GABBR2: variants seen among roughly 807,000 people sequenced by gnomAD.
GABBR2 encodes the protein G-protein coupled receptor 51.
Under a neutral mutation model 105.6 loss-of-function variants are expected in GABBR2, and 23 were observed. That is an observed-to-expected ratio of 0.22 (90% CI 0.16 to 0.31). GABBR2 has a LOEUF of 0.31. Ranked by LOEUF, GABBR2 falls within the 10% of genes least tolerant of loss-of-function variation. GABBR2 has a pLI of 1.00. For synonymous variants in GABBR2, 478 were observed against 499.7 expected (o/e 0.96, Z 0.58); for missense variants, 734 against 1,245.5 (o/e 0.59, Z 6.18).
At chr9:98,603,035 C>A (rs1325749594) in intron 1 of GABBR2, among the ~76,000 whole-genome samples, 1 of 138,810 alleles carries the variant, frequency 7.2e-6, no homozygotes, top group Non-Finnish European at 1.6e-5. Context: ...GCTCTGGAAA[C>A]ACGAGGACTT....
intron 1 of GABBR2, among the ~76,000 whole-genome samples, chr9:98,597,093 T>C (rs2131801002): frequency 1.3e-5 from 2 of 152,090 alleles, no homozygotes; most frequent in Middle Eastern, 3.4e-3. Context: ...ATCCCAGGGG[T>C]TGTCTGGGCC....
At chr9:98,561,314 G>A (rs536402481) in intron 2 of GABBR2, among the ~76,000 whole-genome samples, 1 of 151,256 alleles carries the variant, frequency 6.6e-6, no homozygotes, top group African/African-American at 2.4e-5. Flanking sequence ...AACCGTGAAG[G>A]AATGAACCCC....
At chr9:98,606,681 T>C (rs931815007) in intron 1 of GABBR2, among the ~76,000 whole-genome samples, 7 of 151,846 alleles carry the variant, frequency 4.6e-5, no homozygotes, top group Admixed American at 3.9e-4. Flanking sequence ...GATTTCTCCA[T>C]GTTGGTCAGG....
At chr9:98,479,983 A>G (rs1826880893) in intron 5 of GABBR2, among the ~76,000 whole-genome samples, 1 of 152,014 alleles carries the variant, frequency 6.6e-6, no homozygotes, top group Non-Finnish European at 1.5e-5. Context: ...AAACATTCCA[A>G]CCTGTTAAAG....
chr9:98,578,245 G>A (rs991930601), intron 1 of GABBR2, among the ~76,000 whole-genome samples, 173 bp from the exon 2 acceptor site: 3 of 152,116 alleles, frequency 2.0e-5, no homozygotes, highest in African/African-American at 7.2e-5. Flanking sequence ...CAGGAGTGTG[G>A]TCTTGGCACC....
intron 7 of GABBR2, among the ~76,000 whole-genome samples, chr9:98,439,609 T>G (rs1825994666): frequency 6.6e-6 from 1 of 152,130 alleles, no homozygotes; most frequent in Admixed American, 6.5e-5. Context: ...AGACCACATA[T>G]TTAGGGATGT....
At chr9:98,502,939 T>C (rs1827433919) in intron 3 of GABBR2, among the ~76,000 whole-genome samples, 1 of 152,204 alleles carries the variant, frequency 6.6e-6, no homozygotes, top group South Asian at 2.1e-4. Context: ...CACTCATTCA[T>C]TTCTGATATT....
rs1206565124 is a variant in GABBR2 at position 98,288,684 on chromosome 9, G to T, written c.*1900C>A. 6.6e-6 allele frequency: 1 copy of T among 152,568 alleles called. No homozygotes were observed. Among genetic ancestry groups the T allele is most frequent in the Non-Finnish European group, 1.5e-5 (1 of 68,024 alleles). 9.5% of individuals were successfully genotyped at this position (152,568 alleles called of 1,614,324 possible). A position where few individuals can be genotyped will look rare whatever the true frequency, so the allele number is the denominator to read the frequency against. On this transcript the variant is annotated 3_prime_UTR_variant, in exon 19 of 19. Coordinates refer to ENST00000259455, the MANE Select transcript of GABBR2 (RefSeq NM_005458.8). ...GTAATACACAGTGAGTGACAACACC[G>T]ATTTTTAGTGCCTAAACAGAGAATG... is the stretch of plus-strand genomic sequence containing the variant.
At position 98,388,656 on chromosome 9, in the gene GABBR2, TGTGTGC is replaced by T. The variant is rs932060131; in HGVS notation, c.1529+192_1529+197del. ...GTGTGTGTGTGTGTGTGTGTGTGTG[TGTGTGC>T]GTGCACGCACACACACGTACTCACA... On this transcript the variant is annotated intron_variant, in intron 10 of 18. Transcript: ENST00000259455. The surrounding 1 kb of genome is among the most constrained non-coding windows in gnomAD (Gnocchi z 4.4). Among the ~76,000 whole-genome samples the T allele has an allele frequency of 6.9e-5, 10 of 145,404 alleles. No homozygotes were observed. The highest frequency in any genetic ancestry group is 2.2e-4 in the South Asian group (1 of 4,554).
intron 1 of GABBR2, among the ~76,000 whole-genome samples, chr9:98,660,364 T>G (rs1830241800): frequency 6.6e-6 from 1 of 152,226 alleles, no homozygotes; most frequent in Non-Finnish European, 1.5e-5. Context: ...TTCCTTAATC[T>G]TCATCAATAA....
intron 7 of GABBR2, among the ~76,000 whole-genome samples, chr9:98,409,271 G>A (rs1273824671): frequency 6.6e-6 from 1 of 152,192 alleles, no homozygotes; most frequent in Non-Finnish European, 1.5e-5. Flanking sequence ...GAGGTGAAGC[G>A]GAGCAGCCTG....
At chr9:98,532,539 AG>A (rs1382280257) in intron 3 of GABBR2, among the ~76,000 whole-genome samples, 1 of 152,316 alleles carries the variant, frequency 6.6e-6, no homozygotes, top group East Asian at 1.9e-4. Context: ...CCAAGGGCAG[AG>A]CTCAGAGGTG....
chr9:98,482,348 A>T (rs1052840616), intron 4 of GABBR2, among the ~76,000 whole-genome samples: 1 of 152,210 alleles, frequency 6.6e-6, no homozygotes, highest in African/African-American at 2.4e-5. Context: ...GGGAAAAAAA[A>T]CACTGGCTCT....
At position 98,501,134 on chromosome 9, in the gene GABBR2, C is replaced by G. The variant is rs866547690; in HGVS notation, c.631-4620G>C. Among the ~76,000 whole-genome samples the G allele has an allele frequency of 4.9e-3, 708 of 145,332 alleles. 5 individuals carry two copies. The highest frequency in any genetic ancestry group is 7.0e-3 in the Non-Finnish European group (462 of 65,886). The stretch of plus-strand genomic sequence containing the variant: ...AAGACTAGGAACCACTGCCCCCCCC[C>G]CTTCCCCGCCCCCTGCTCCTTTTTT... On this transcript the variant is annotated intron_variant, in intron 3 of 18. Transcript: ENST00000259455.
chr9:98,544,928 C>T (rs1024201265), intron 2 of GABBR2, among the ~76,000 whole-genome samples: 23 of 152,294 alleles, frequency 1.5e-4, no homozygotes, highest in Middle Eastern at 3.4e-3. Context: ...TGATTCTTCT[C>T]ACAAGATTAA....
intron 2 of GABBR2, among the ~76,000 whole-genome samples, chr9:98,575,498 T>C (rs1828894885): frequency 6.6e-6 from 1 of 152,138 alleles, no homozygotes; most frequent in African/African-American, 2.4e-5. Context: ...TTTCAGTCTT[T>C]CCATCCACAC....
At chr9:98,610,437 C>A (rs987941793) in intron 1 of GABBR2, among the ~76,000 whole-genome samples, 2 of 152,168 alleles carry the variant, frequency 1.3e-5, no homozygotes, top group Non-Finnish European at 2.9e-5. Context: ...TGCCCTAACT[C>A]CTGGAACTGT....
chr9:98,641,243 C>T (rs1266501882), intron 1 of GABBR2, among the ~76,000 whole-genome samples: 1 of 151,760 alleles, frequency 6.6e-6, no homozygotes, highest in Non-Finnish European at 1.5e-5. Context: ...AAGTAATTCT[C>T]CTGCCTCAGC....
At chr9:98,409,612 T>C (rs1832550065) in intron 7 of GABBR2, among the ~76,000 whole-genome samples, 1 of 152,194 alleles carries the variant, frequency 6.6e-6, no homozygotes, top group Non-Finnish European at 1.5e-5. Context: ...CCTGTTGAGA[T>C]GCCTTGCACC....
Sources: gnomAD v4.1 joint callset for allele counts (sites outside exome capture counted in the v4.1 genomes callset) on GRCh38, gnomAD v4.1.1 for gene constraint, Gnocchi (gnomAD v3.1) non-coding constraint, MANE v1.5 for transcripts, NCBI Gene and HGNC (gene_info 2026-07-23, HGNC 2026-07-21) for gene names.